PEPD: variants seen among roughly 807,000 people sequenced by gnomAD.
PEPD encodes the protein xaa-Pro dipeptidase.
PEPD carries 53 observed loss-of-function variants against 60.7 expected under a neutral mutation model. The ratio of observed to expected loss-of-function variants is 0.87; its 90% CI spans 0.70 to 1.10. PEPD has a LOEUF of 1.10. Among genes scored for constraint, PEPD ranks in the 50% least tolerant of loss-of-function variants. PEPD has a pLI of 0.00. For synonymous variants in PEPD, 267 were observed against 284.1 expected (o/e 0.94, Z 0.60); for missense variants, 711 against 711.9 (o/e 1.00, Z 0.01).
chr19:33,435,106 T>C (rs10410805), intron 9 of PEPD, among the ~76,000 whole-genome samples: 84,985 of 151,844 alleles, frequency 0.56, 24,396 homozygotes, highest in African/African-American at 0.65. Context: ...ATGAGGTGGC[T>C]GAGACGGTAG....
intron 5 of PEPD, 119 bp from the exon 6 acceptor site, chr19:33,490,176 C>A: frequency 2.7e-6 from 2 of 728,802 alleles, no homozygotes; most frequent in South Asian, 1.5e-5. Flanking sequence ...CCTGCCTTCC[C>A]CCAACAGATG....
At chr19:33,389,502 C>CT (rs1243804693) in intron 13 of PEPD, among the ~76,000 whole-genome samples, 7 of 152,138 alleles carry the variant, frequency 4.6e-5, no homozygotes, top group African/African-American at 1.2e-4. Flanking sequence ...TGGGCTCCCC[C>CT]ACCCCACCGC....
chr19:33,493,811 AC>A (rs1970545505), intron 4 of PEPD, among the ~76,000 whole-genome samples: 1 of 135,776 alleles, frequency 7.4e-6, no homozygotes, highest in Non-Finnish European at 1.6e-5. Context: ...CCCCAATCCC[AC>A]CCTCTGGCCC....
chr19:33,486,964 T>C (rs1321143680), intron 6 of PEPD: 1 of 152,330 alleles, frequency 6.6e-6, no homozygotes, highest in Admixed American at 6.5e-5. Flanking sequence ...TGCAGAGACA[T>C]TTAAAAGGGT....
chr19:33,413,854 G>C (rs2145367934), intron 9 of PEPD, among the ~76,000 whole-genome samples: 1 of 152,366 alleles, frequency 6.6e-6, no homozygotes, highest in East Asian at 1.9e-4. Flanking sequence ...TGGAGTGACA[G>C]AGAAGCTGGG....
At chr19:33,458,497 G>GT (rs1969856848) in intron 9 of PEPD, among the ~76,000 whole-genome samples, 1 of 148,380 alleles carries the variant, frequency 6.7e-6, no homozygotes, top group Non-Finnish European at 1.5e-5. Context: ...GTGGAGGTGT[G>GT]TATGTGTGGC....
chr19:33,442,720 AAATT>A (rs984873069), intron 9 of PEPD, among the ~76,000 whole-genome samples: 1 of 151,878 alleles, frequency 6.6e-6, no homozygotes, highest in Non-Finnish European at 1.5e-5. Context: ...ATAAATAAAT[AAATT>A]AATTAAATAA....
At chr19:33,412,736 G>A (rs1030224470) in intron 10 of PEPD, among the ~76,000 whole-genome samples, 1 of 152,240 alleles carries the variant, frequency 6.6e-6, no homozygotes, top group African/African-American at 2.4e-5. Context: ...GATTTCACAT[G>A]TATTATTCAT....
chr19:33,521,723 C>G, intron 1 of PEPD, 21 bp downstream of exon 1: 1 of 1,578,884 alleles, frequency 6.3e-7, no homozygotes. Flanking sequence ...CGGGAAAGAG[C>G]GAGGGAGGCG....
chr19:33,447,728 C>T (rs1355875128), intron 9 of PEPD, among the ~76,000 whole-genome samples: 2 of 152,178 alleles, frequency 1.3e-5, no homozygotes, highest in African/African-American at 4.8e-5. Flanking sequence ...AAGATGCTTC[C>T]TCACCCTACT....
At chr19:33,410,092 C>T (rs941543297) in intron 11 of PEPD, among the ~76,000 whole-genome samples, 2 of 152,242 alleles carry the variant, frequency 1.3e-5, no homozygotes, top group Non-Finnish European at 2.9e-5. Flanking sequence ...AACCAGGATC[C>T]GTGGAGCCAG....
At position 33,511,099 on chromosome 19, in the gene PEPD, G is replaced by A. The variant is rs371699437; in HGVS notation, c.258C>T (p.Ile86=). ...GVTEPGCYGV[I]DVDTGKSTLF... is the part of the protein sequence containing the mutation. ...GGGTCGACTTCCCAGTGTCAACATC[G>A]ATGACACCATAGCAGCCTGGCTCAG... is the stretch of plus-strand genomic sequence containing the variant. The change falls in exon 3 of 15, where the codon ATC becomes ATT. Residue 86 remains isoleucine (I), a synonymous_variant. Coordinates refer to ENST00000244137, the MANE Select transcript of PEPD (RefSeq NM_000285.4). 8.1e-6 allele frequency: 13 copies of A among 1,613,774 alleles called. No homozygotes were observed. Among genetic ancestry groups the A allele is most frequent in the African/African-American group, 1.3e-5 (1 of 74,902 alleles).
intron 3 of PEPD, among the ~76,000 whole-genome samples, chr19:33,506,175 ACACT>A (rs1970803172): frequency 7.4e-6 from 1 of 135,804 alleles, no homozygotes; most frequent in African/African-American, 2.8e-5. Flanking sequence ...ACCCTACACA[ACACT>A]CACACACCCA....
intron 6 of PEPD, among the ~76,000 whole-genome samples, chr19:33,483,293 G>A (rs539422396): frequency 6.6e-6 from 1 of 152,086 alleles, no homozygotes; most frequent in Non-Finnish European, 1.5e-5. Context: ...AAATAAAAAG[G>A]AACCATATAA....
chr19:33,464,603 C>T (rs1969987042), intron 7 of PEPD, among the ~76,000 whole-genome samples: 1 of 152,154 alleles, frequency 6.6e-6, no homozygotes, highest in Non-Finnish European at 1.5e-5. Context: ...AATGTGGAAA[C>T]AGCTGGACAG....
chr19:33,510,654 G>A (rs1970906961), intron 3 of PEPD, among the ~76,000 whole-genome samples: 2 of 152,194 alleles, frequency 1.3e-5, no homozygotes, highest in Admixed American at 1.3e-4. Context: ...AGAAGGCCTT[G>A]GGAATTGCCA....
chr19:33,502,662 A>T (rs1262580340), intron 3 of PEPD, among the ~76,000 whole-genome samples: 1 of 151,980 alleles, frequency 6.6e-6, no homozygotes, highest in East Asian at 1.9e-4. Context: ...GCTTTCCACA[A>T]CCAATCAGAC....
At chr19:33,391,535 G>A (rs1329256496) in intron 12 of PEPD, 56 bp from the exon 13 acceptor site, 3 of 1,466,504 alleles carry the variant, frequency 2.0e-6, no homozygotes, top group Admixed American at 2.0e-5. Context: ...AACACCGCAG[G>A]GCCAGGGGCT....
At chr19:33,473,382 T>C (rs767083841) in intron 7 of PEPD, among the ~76,000 whole-genome samples, 6 of 152,108 alleles carry the variant, frequency 3.9e-5, no homozygotes, top group Non-Finnish European at 4.4e-5. Context: ...GGGACACGTC[T>C]ACCTGTGAAC....
Sources: gnomAD v4.1 joint callset for allele counts (sites outside exome capture counted in the v4.1 genomes callset) on GRCh38, gnomAD v4.1.1 for gene constraint, MANE v1.5 for transcripts, NCBI Gene and HGNC (gene_info 2026-07-23, HGNC 2026-07-21) for gene names.